The following EYA4 variants were observed in gnomAD, a reference collection of about 807,000 sequenced individuals.
EYA4 encodes EYA transcriptional coactivator and phosphatase 4.
EYA4 carries 31 observed loss-of-function variants against 87.9 expected under a neutral mutation model. The ratio of observed to expected loss-of-function variants is 0.35; its 90% CI spans 0.27 to 0.48. EYA4 has a LOEUF of 0.48. Ranked by LOEUF, EYA4 falls within the 20% of genes least tolerant of loss-of-function variation. The probability of loss-of-function intolerance (pLI) is 0.99; values close to 1 mark genes in which losing one functional copy is unlikely to be tolerated. For missense variants in EYA4, 678 were observed against 761.4 expected (o/e 0.89, Z 1.29); for synonymous variants, 263 against 270.6 (o/e 0.97, Z 0.28).
At position 133,462,670 on chromosome 6, in the gene EYA4, A is replaced by G. The variant is rs989395256; in HGVS notation, c.630A>G (p.Gln210=). 1.2e-6 allele frequency: 2 copies of G among 1,613,924 alleles called. No homozygotes were observed. Among genetic ancestry groups the G allele is most frequent in the Non-Finnish European group, 1.7e-6 (2 of 1,179,900 alleles). The change falls in exon 9 of 20, where the codon CAA becomes CAG. Residue 210 remains glutamine (Q), a synonymous_variant. Coordinates refer to ENST00000355286, the MANE Select transcript of EYA4 (RefSeq NM_004100.5). ...TCAAGACAGAGAGTGGACTTTCCCA[A>G]ACTCAGTCCCCATTACAGAGTGGCT... The part of the protein sequence containing the change: ...PAIKTESGLS[Q]TQSPLQSGCL...
At chr6:133,421,070 C>T (rs1040589425) in intron 3 of EYA4, among the ~76,000 whole-genome samples, 1 of 152,184 alleles carries the variant, frequency 6.6e-6, no homozygotes, top group African/African-American at 2.4e-5. Flanking sequence ...CCCACTTCTT[C>T]CCTCCATTTG....
intron 2 of EYA4, among the ~76,000 whole-genome samples, chr6:133,294,021 TTTTATATATATATATA>T (rs1562257374): frequency 2.8e-5 from 1 of 35,644 alleles, no homozygotes; most frequent in African/African-American, 1.2e-4. Flanking sequence ...CCTAGGGTGA[TTTTATATATATATATA>T]TATATATATA....
At chr6:133,388,406 CAAA>C (rs34444252) in intron 3 of EYA4, among the ~76,000 whole-genome samples, 3 of 129,296 alleles carry the variant, frequency 2.3e-5, no homozygotes, top group South Asian at 2.5e-4. Flanking sequence ...GACTCGGTCT[CAAA>C]AAAAAAAAAA....
chr6:133,458,589 G>A (rs921705445), intron 6 of EYA4, among the ~76,000 whole-genome samples: 2 of 152,074 alleles, frequency 1.3e-5, no homozygotes, highest in African/African-American at 4.8e-5. Flanking sequence ...ACTGTAAGAT[G>A]TTTGGCTGCA....
rs773216143 is a variant in EYA4, at chr6:133,523,136, G to A, written c.1697G>A (p.Gly566Asp). ...AAGGTTCTACTCTATAGTTTAGGAG[G>A]TGCTTTCCCCATTGAGAATATTTAC... ...LAKVLLYSLG[G>D]AFPIENIYSA... Residue 566 changes from glycine to aspartate, a missense_variant, in exon 18 of 20, where the codon GGT becomes GAT. Transcript: ENST00000355286. The A allele has an allele frequency of 5.0e-6, 8 of 1,612,398 alleles. No homozygotes were observed. Among genetic ancestry groups the A allele is most frequent in the Middle Eastern group, 3.3e-4 (2 of 6,048 alleles).
At chr6:133,253,650 A>AAAT (rs146660359) in intron 1 of EYA4, among the ~76,000 whole-genome samples, 197 of 151,724 alleles carry the variant, frequency 1.3e-3, no homozygotes, top group African/African-American at 3.9e-3. Context: ...TACCTGGACA[A>AAAT]AATAATAATA....
At chr6:133,434,097 A>G (rs1173794585) in intron 3 of EYA4, among the ~76,000 whole-genome samples, 2 of 152,214 alleles carry the variant, frequency 1.3e-5, no homozygotes, top group Non-Finnish European at 2.9e-5. Context: ...ATGGAAGAGA[A>G]TGCTAGGAAA....
chr6:133,411,278 A>G (rs922817453), intron 3 of EYA4, among the ~76,000 whole-genome samples: 2 of 152,188 alleles, frequency 1.3e-5, no homozygotes, highest in African/African-American at 4.8e-5. Context: ...GTTCCCAGGC[A>G]GTGCTGAGTG....
chr6:133,362,413 C>G (rs1784515795), intron 2 of EYA4, among the ~76,000 whole-genome samples: 1 of 152,152 alleles, frequency 6.6e-6, no homozygotes, highest in African/African-American at 2.4e-5. Flanking sequence ...GAGAAACTGA[C>G]CTAATGAAAT....
rs181441114 is a variant in EYA4 at position 133,394,766 on chromosome 6, T to C, written c.83+12325T>C. The stretch of plus-strand genomic sequence containing the variant: ...TTATTACAAGTAGGCATAGTGATAG[T>C]ATTGACAAGTGACAGTCTAATGACA... On this transcript the variant is annotated intron_variant, in intron 3 of 19. Coordinates refer to ENST00000355286, the MANE Select transcript of EYA4 (RefSeq NM_004100.5). Among the ~76,000 whole-genome samples the C allele has an allele frequency of 1.7e-3, 262 of 152,330 alleles. 1 individual carries two copies. The highest frequency in any genetic ancestry group is 3.0e-3 in the Non-Finnish European group (205 of 68,026).
At chr6:133,333,581 A>C (rs1782143776) in intron 2 of EYA4, among the ~76,000 whole-genome samples, 1 of 152,174 alleles carries the variant, frequency 6.6e-6, no homozygotes, top group Admixed American at 6.5e-5. Flanking sequence ...TTCTTGAAGA[A>C]ATTGAATATT....
intron 1 of EYA4, among the ~76,000 whole-genome samples, chr6:133,270,394 C>T (rs2145347): frequency 0.27 from 41,703 of 151,958 alleles, 6,389 homozygotes; most frequent in East Asian, 0.49. Context: ...ATTTAAATGC[C>T]GATATGAAGT....
At chr6:133,314,290 C>G (rs1442219324) in intron 2 of EYA4, among the ~76,000 whole-genome samples, 1 of 152,130 alleles carries the variant, frequency 6.6e-6, no homozygotes, top group African/African-American at 2.4e-5. Flanking sequence ...AAGTTGTTAA[C>G]TTCTGCAAAA....
At chr6:133,489,869 T>A (rs927133656) in intron 13 of EYA4, among the ~76,000 whole-genome samples, 1 of 152,118 alleles carries the variant, frequency 6.6e-6, no homozygotes, top group Non-Finnish European at 1.5e-5. Context: ...CAGAATAGTG[T>A]AACACTGTAA....
chr6:133,380,861 TC>T (rs1214758091), intron 2 of EYA4, among the ~76,000 whole-genome samples: 7 of 144,940 alleles, frequency 4.8e-5, no homozygotes. Flanking sequence ...TTGTTCCTCT[TC>T]CTCCTCCTCC....
At chr6:133,288,618 T>G (rs765587975) in intron 2 of EYA4, among the ~76,000 whole-genome samples, 1 of 152,102 alleles carries the variant, frequency 6.6e-6, no homozygotes, top group Non-Finnish European at 1.5e-5. Flanking sequence ...TCCATGCTCA[T>G]GTGTGGAACA....
chr6:133,449,553 A>T (rs1793192195), intron 5 of EYA4, among the ~76,000 whole-genome samples: 1 of 152,204 alleles, frequency 6.6e-6, no homozygotes, highest in Non-Finnish European at 1.5e-5. Flanking sequence ...TCGTGAGTCC[A>T]TGGGAGAAGA....
chr6:133,256,939 T>C (rs1160346466), intron 1 of EYA4, among the ~76,000 whole-genome samples: 1 of 152,056 alleles, frequency 6.6e-6, no homozygotes, highest in African/African-American at 2.4e-5. Context: ...TAAATATGGC[T>C]ATCAATTTTT....
intron 2 of EYA4, among the ~76,000 whole-genome samples, chr6:133,332,264 G>A (rs1454469632): frequency 6.6e-6 from 1 of 152,094 alleles, no homozygotes; most frequent in Non-Finnish European, 1.5e-5. Context: ...GCAGACAGAG[G>A]GTCTTTAAGA....
Sources: allele counts gnomAD v4.1 joint callset (sites outside exome capture counted in the v4.1 genomes callset), GRCh38; gene constraint gnomAD v4.1.1; transcripts MANE v1.5; gene names NCBI Gene and HGNC (gene_info 2026-07-23, HGNC 2026-07-21).